Variants in SLC13A1 observed in about 807,000 individuals in gnomAD.
SLC13A1 encodes solute carrier family 13 member 1.
SLC13A1 carries 65 observed loss-of-function variants against 70.0 expected under a neutral mutation model. That is an observed-to-expected ratio of 0.93 (90% CI 0.76 to 1.14). SLC13A1 has a LOEUF of 1.14. SLC13A1 is among the 50% of genes most tolerant of loss of function. The probability of loss-of-function intolerance (pLI) is 0.00; values close to 1 mark genes in which losing one functional copy is unlikely to be tolerated. For synonymous variants in SLC13A1, 275 were observed against 250.5 expected, an observed-to-expected ratio of 1.10 and a Z score of -0.92; for missense variants, 726 against 717.8, an observed-to-expected ratio of 1.01 and a Z score of -0.13.
intron 6 of SLC13A1, among the ~76,000 whole-genome samples, chr7:123,163,319 T>C (rs945680513): frequency 5.9e-5 from 9 of 152,216 alleles, no homozygotes; most frequent in African/African-American, 1.9e-4. Context: ...GTGGGATTTA[T>C]GGGCTTGGTA....
intron 1 of SLC13A1, among the ~76,000 whole-genome samples, chr7:123,188,527 G>A (rs942627218): frequency 2.6e-5 from 4 of 151,954 alleles, no homozygotes; most frequent in Non-Finnish European, 5.9e-5. Context: ...AATACCAGTG[G>A]AGTATTTTCA....
intron 1 of SLC13A1, among the ~76,000 whole-genome samples, chr7:123,187,048 C>T (rs569928181): frequency 3.0e-4 from 45 of 151,894 alleles, no homozygotes; most frequent in Middle Eastern, 3.4e-3. Flanking sequence ...GTACGTGTTA[C>T]GACTCCCAAA....
intron 6 of SLC13A1, among the ~76,000 whole-genome samples, chr7:123,157,900 C>T (rs1217270782): frequency 6.6e-6 from 1 of 151,994 alleles, no homozygotes; most frequent in Non-Finnish European, 1.5e-5. Context: ...GTATCCTTTG[C>T]AGAAGCAGAA....
chr7:123,176,667 C>T (rs1419817865), intron 2 of SLC13A1, among the ~76,000 whole-genome samples: 3 of 152,088 alleles, frequency 2.0e-5, no homozygotes, highest in African/African-American at 7.2e-5. Context: ...TAGCTAAATC[C>T]AATAGCCAAT....
chr7:123,170,707 C>A (rs1433349826), intron 3 of SLC13A1, among the ~76,000 whole-genome samples: 1 of 151,860 alleles, frequency 6.6e-6, no homozygotes, highest in African/African-American at 2.4e-5. Context: ...TGGCTTACTG[C>A]GACCTCTGCC....
intron 11 of SLC13A1, among the ~76,000 whole-genome samples, chr7:123,123,757 G>T (rs1793466436): frequency 6.6e-6 from 1 of 152,064 alleles, no homozygotes; most frequent in East Asian, 1.9e-4. Flanking sequence ...TCAAGATTCA[G>T]ATTAAATAAA....
At chr7:123,145,223 T>A (rs1794309761) in intron 7 of SLC13A1, among the ~76,000 whole-genome samples, 1 of 152,048 alleles carries the variant, frequency 6.6e-6, no homozygotes, top group Non-Finnish European at 1.5e-5. Context: ...TTCAATAATG[T>A]TGTAAGTTCT....
At chr7:123,149,027 C>G (rs1794462565) in intron 6 of SLC13A1, among the ~76,000 whole-genome samples, 1 of 152,126 alleles carries the variant, frequency 6.6e-6, no homozygotes, top group South Asian at 2.1e-4. Context: ...TTATGAGACT[C>G]CTATTATCCA....
chr7:123,122,195 G>T (rs1793403660), intron 12 of SLC13A1, among the ~76,000 whole-genome samples: 1 of 152,026 alleles, frequency 6.6e-6, no homozygotes, highest in Admixed American at 6.6e-5. Context: ...TAGAAGCAAA[G>T]GAGTATCTTC....
intron 7 of SLC13A1, among the ~76,000 whole-genome samples, chr7:123,135,493 CATT>C (rs1346465605): frequency 1.3e-5 from 2 of 151,934 alleles, no homozygotes; most frequent in African/African-American, 4.8e-5. Context: ...ATAAAAACAT[CATT>C]AACATATTTT....
Position 123,125,597 on chromosome 7 carries a change from C to A in SLC13A1, c.1212G>T (p.Leu404=). 6.2e-7 allele frequency: 1 copy of A among 1,612,126 alleles called. No individual in the cohort carries two copies. Among genetic ancestry groups the A allele is most frequent in the Non-Finnish European group, 8.5e-7 (1 of 1,178,980 alleles). ...LLFFLIPAKT[L]TKTTPTGEIV... is the part of the protein sequence containing the mutation. ...TTTCTCCTGTAGGTGTAGTTTTAGT[C>A]AGTGTCTTAGCTGGGATAAGAAAGA... The change falls in exon 11 of 15, where the codon CTG becomes CTT. Residue 404 remains leucine, a synonymous_variant. Transcript: ENST00000194130.
chr7:123,134,573 T>G (rs753330071), intron 7 of SLC13A1, 44 bp from the exon 8 acceptor site: 11 of 1,585,352 alleles, frequency 6.9e-6, no homozygotes, highest in Middle Eastern at 3.4e-4. Context: ...GAGAGACAGG[T>G]GGAATCCTTT....
intron 7 of SLC13A1, among the ~76,000 whole-genome samples, chr7:123,144,939 A>G (rs1233902242): frequency 2.0e-5 from 3 of 152,224 alleles, no homozygotes; most frequent in East Asian, 1.9e-4. Flanking sequence ...GTATGCTACT[A>G]TAGATACTAT....
intron 2 of SLC13A1, among the ~76,000 whole-genome samples, chr7:123,177,888 A>T (rs963432765): frequency 6.6e-6 from 1 of 152,086 alleles, no homozygotes; most frequent in African/African-American, 2.4e-5. Flanking sequence ...CCTTTCCTCT[A>T]GAAAGACAGG....
intron 11 of SLC13A1, among the ~76,000 whole-genome samples, chr7:123,125,283 T>G (rs1379638642): frequency 6.6e-6 from 1 of 152,154 alleles, no homozygotes; most frequent in Non-Finnish European, 1.5e-5. Flanking sequence ...AAGATTAATT[T>G]TGAAGTGAGT....
In SLC13A1 at chr7:123,190,576, C is replaced by T. The variant is rs996558455; in HGVS notation, c.99+9272G>A. On this transcript the variant is annotated intron_variant, in intron 1 of 14. Transcript: ENST00000194130. ...GACTGCATCTGGCCCATGCCACTGG[C>T]CTGCTCTTCATCTTCATCTTGGAAA... 8.8e-6 allele frequency: 4 copies of T among 456,700 alleles called. No homozygotes were observed. In the Admixed American group the frequency reaches 9.4e-5, roughly 11 times the overall value. 28.3% of individuals were successfully genotyped at this position (456,700 alleles called of 1,614,324 possible). A position where few individuals can be genotyped will look rare whatever the true frequency, so the allele number is the denominator to read the frequency against.
chr7:123,123,547 A>G (rs1045376113), intron 11 of SLC13A1, among the ~76,000 whole-genome samples: 2 of 152,182 alleles, frequency 1.3e-5, no homozygotes, highest in Admixed American at 1.3e-4. Context: ...TATTCCACTA[A>G]CATCTTTGCC....
intron 7 of SLC13A1, among the ~76,000 whole-genome samples, chr7:123,146,795 T>C (rs1794369031): frequency 6.6e-6 from 1 of 152,318 alleles, no homozygotes; most frequent in Non-Finnish European, 1.5e-5. Context: ...TAAGTTCACA[T>C]GTTGGTCCCC....
chr7:123,130,637 G>C (rs890126587), intron 8 of SLC13A1, among the ~76,000 whole-genome samples: 3 of 152,092 alleles, frequency 2.0e-5, no homozygotes, highest in Admixed American at 6.6e-5. Flanking sequence ...GTGATGGGTT[G>C]ATAGGTGCAA....
Sources: gnomAD v4.1 joint callset for allele counts (sites outside exome capture counted in the v4.1 genomes callset) on GRCh38, gnomAD v4.1.1 for gene constraint, MANE v1.5 for transcripts, NCBI Gene and HGNC (gene_info 2026-07-23, HGNC 2026-07-21) for gene names.